LRP8: variants seen among roughly 807,000 people sequenced by gnomAD.
LRP8 encodes the protein low-density lipoprotein receptor-related protein 8.
In LRP8, 46 loss-of-function variants were observed where a neutral mutation model predicts 111.6. That is an observed-to-expected ratio of 0.41 (90% CI 0.33 to 0.53). The LOEUF (loss-of-function observed/expected upper bound fraction) is 0.53, where lower values mean the gene tolerates loss of function less well. Among genes scored for constraint, LRP8 ranks in the 20% least tolerant of loss-of-function variants. The pLI, the probability that LRP8 is intolerant of heterozygous loss-of-function variation, is 0.20. For synonymous variants in LRP8, 464 were observed against 511.2 expected (o/e 0.91, Z 1.24); for missense variants, 959 against 1,297.4 (o/e 0.74, Z 4.01).
intron 2 of LRP8, among the ~76,000 whole-genome samples, chr1:53,311,683 T>C (rs1217549440): frequency 1.3e-5 from 2 of 151,544 alleles, no homozygotes; most frequent in Non-Finnish European, 2.9e-5. Context: ...TGTCTCCATC[T>C]CTCCCTACTG....
chr1:53,266,436 C>G lies in LRP8; in HGVS notation c.1427+37G>C. On this transcript the variant is annotated intron_variant, in intron 9 of 18. Coordinates refer to ENST00000306052, the MANE Select transcript of LRP8 (RefSeq NM_004631.5). The surrounding 1 kb of genome is among the most constrained non-coding windows in gnomAD (Gnocchi z 5.0). Reference sequence around the variant, plus strand: ...CACCTGTCACCACCCCTCACCCCCACTCTTCATGCCTTGCTGCAGAGGATA... The same window carrying G: ...CACCTGTCACCACCCCTCACCCCCAGTCTTCATGCCTTGCTGCAGAGGATA... The G allele has an allele frequency of 6.2e-7, 1 of 1,604,136 alleles. No homozygotes were observed. Among genetic ancestry groups the G allele is most frequent in the Non-Finnish European group, 8.5e-7 (1 of 1,172,370 alleles).
intron 2 of LRP8, among the ~76,000 whole-genome samples, chr1:53,308,933 A>T (rs961798158): frequency 6.6e-6 from 1 of 152,126 alleles, no homozygotes; most frequent in African/African-American, 2.4e-5. Flanking sequence ...GTGCCTCACC[A>T]TCTCTATCAG....
At chr1:53,253,156 A>C (rs1645952656) in intron 16 of LRP8, among the ~76,000 whole-genome samples, 1 of 152,178 alleles carries the variant, frequency 6.6e-6, no homozygotes, top group African/African-American at 2.4e-5. Flanking sequence ...AAAAGTTTAA[A>C]GTAGAAAAGA....
rs1349872559 is a variant in LRP8 at position 53,327,682 on chromosome 1, C to G, written c.124+107G>C. On this transcript the variant is annotated intron_variant, in intron 1 of 18. Coordinates refer to ENST00000306052, the MANE Select transcript of LRP8 (RefSeq NM_004631.5). The stretch of plus-strand genomic sequence containing the variant: ...CGCGTGGAGCCTGTCCGCCCGGGAG[C>G]CCCCGATAGCCCCGGGTTCTGGACC... The G allele has an allele frequency of 2.3e-6, 3 of 1,294,974 alleles. No homozygotes were observed. In the East Asian group the frequency reaches 1.0e-4, roughly 44 times the overall value. 80.2% of individuals were successfully genotyped at this position (1,294,974 alleles called of 1,614,324 possible). A position where few individuals can be genotyped will look rare whatever the true frequency, so the allele number is the denominator to read the frequency against.
At position 53,242,955 on chromosome 1, in the gene LRP8, G is replaced by A. The variant is rs1450011009; in HGVS notation, c.*4063C>T. The stretch of plus-strand genomic sequence containing the variant: ...TCTGCTAATTCTTGACTGTGCACAT[G>A]GTGCATAGCCTGAATGAACAGAGCT... On this transcript the variant is annotated 3_prime_UTR_variant, in exon 19 of 19. Transcript: ENST00000306052. 1 of 151,664 alleles carries A rather than the reference G, an allele frequency of 6.6e-6. No individual in the cohort carries two copies. The highest frequency in any genetic ancestry group is 2.4e-5 in the African/African-American group (1 of 41,278). The allele number at this position is 151,664 out of a possible 1,614,324, so 9.4% of individuals were successfully genotyped here.
rs1646453673 is a variant in LRP8, at chr1:53,264,120, G to A, written c.1655+49C>T. On this transcript the variant is annotated intron_variant, in intron 10 of 18. Coordinates refer to ENST00000306052, the MANE Select transcript of LRP8 (RefSeq NM_004631.5). ...ATAGCCCTTGTGACAGACACAAGAG[G>A]ACTGAGCACCTATGGTGGGAGAATG... 2.6e-6 allele frequency: 4 copies of A among 1,559,364 alleles called. No homozygotes were observed. In the South Asian group the frequency reaches 4.5e-5, roughly 18 times the overall value.
chr1:53,287,288 T>C (rs1374635887), intron 3 of LRP8, among the ~76,000 whole-genome samples: 1 of 152,224 alleles, frequency 6.6e-6, no homozygotes, highest in East Asian at 1.9e-4. Context: ...GCTCCCACTC[T>C]AGCCAACTTC....
At chr1:53,306,395 C>T (rs951224455) in intron 2 of LRP8, among the ~76,000 whole-genome samples, 1 of 152,198 alleles carries the variant, frequency 6.6e-6, no homozygotes, top group African/African-American at 2.4e-5. Context: ...TCCTTTTCTC[C>T]AGGCATGTGA....
chr1:53,266,346 A>T lies in LRP8; in HGVS notation c.1427+127T>A. ...AGTTCCATATCCACTGTGATCCTGC[A>T]TCTCTTCCCAAGTCCCAACTCTGTC... is the stretch of plus-strand genomic sequence containing the variant. On this transcript the variant is annotated intron_variant, in intron 9 of 18. Transcript: ENST00000306052. This position sits in a 1 kb window ranked among gnomAD's most constrained non-coding sequence, Gnocchi z 5.0. The T allele has an allele frequency of 1.1e-6, 1 of 937,204 alleles. No homozygotes were observed. Among genetic ancestry groups the T allele is most frequent in the Non-Finnish European group, 1.6e-6 (1 of 617,430 alleles). The allele number at this position is 937,204 out of a possible 1,614,324, so 58.1% of individuals were successfully genotyped here.
At chr1:53,258,283 C>G (rs1357959903) in intron 14 of LRP8, 36 bp downstream of exon 14, 1 of 1,601,052 alleles carries the variant, frequency 6.2e-7, no homozygotes. Flanking sequence ...GGGTCTGACA[C>G]TGCCAGGGGC....
At position 53,268,974 on chromosome 1, in the gene LRP8, T is replaced by C. The variant is rs984335583; in HGVS notation, c.1252+2054A>G. Among the ~76,000 whole-genome samples, 7 of 152,322 alleles carry C rather than the reference T, an allele frequency of 4.6e-5. No individual in the cohort carries two copies. The East Asian group carries it at 1.4e-3, about 29-fold the overall frequency. On this transcript the variant is annotated intron_variant, in intron 8 of 18. Transcript: ENST00000306052. ...CTGCCTTCTCCCTTGTCCTCTACAGTCTGTTCTCAATACTGCAGTCAGAAT... is the reference window on the plus strand; with the variant it reads ...CTGCCTTCTCCCTTGTCCTCTACAGCCTGTTCTCAATACTGCAGTCAGAAT...
rs566845144 is a variant in LRP8 at position 53,245,607 on chromosome 1, T to C, written c.*1411A>G. ...CCAAATTCCTGTGTGAACATAAATA[T>C]CCAATATAATATAATATTGCGTATG... is the stretch of plus-strand genomic sequence containing the variant. On this transcript the variant is annotated 3_prime_UTR_variant, in exon 19 of 19. Coordinates refer to ENST00000306052, the MANE Select transcript of LRP8 (RefSeq NM_004631.5). 1 of 152,494 alleles carries C rather than the reference T, an allele frequency of 6.6e-6. No homozygotes were observed. Among genetic ancestry groups the C allele is most frequent in the East Asian group, 1.9e-4 (1 of 5,194 alleles). 9.4% of individuals were successfully genotyped at this position (152,494 alleles called of 1,614,324 possible).
chr1:53,298,750 G>GC (rs1277660856), intron 2 of LRP8, among the ~76,000 whole-genome samples: 2 of 152,220 alleles, frequency 1.3e-5, no homozygotes, highest in Non-Finnish European at 2.9e-5. Context: ...CCCCAGCCAG[G>GC]CCCCCTGGGG....
At chr1:53,264,516 C>A in intron 9 of LRP8, 120 bp from the exon 10 acceptor site, 1 of 790,890 alleles carries the variant, frequency 1.3e-6, no homozygotes, top group Non-Finnish European at 2.1e-6. Context: ...TTTAGAGGAA[C>A]GTGGATAATT....
intron 2 of LRP8, among the ~76,000 whole-genome samples, chr1:53,301,987 T>C (rs1650996253): frequency 6.6e-6 from 1 of 151,998 alleles, no homozygotes; most frequent in Non-Finnish European, 1.5e-5. Flanking sequence ...CCCCAGTGCC[T>C]CAGCTGTAAA....
chr1:53,276,169 G>C (rs1326961491), intron 5 of LRP8, among the ~76,000 whole-genome samples: 2 of 152,084 alleles, frequency 1.3e-5, no homozygotes, highest in Non-Finnish European at 2.9e-5. Context: ...TGGGAGCCCA[G>C]AGACTCCTAA....
At chr1:53,296,625 G>A (rs1439274026) in intron 2 of LRP8, among the ~76,000 whole-genome samples, 1 of 152,222 alleles carries the variant, frequency 6.6e-6, no homozygotes, top group Admixed American at 6.5e-5. Context: ...TACTAACCTG[G>A]CAGGCAGATT....
intron 2 of LRP8, among the ~76,000 whole-genome samples, chr1:53,314,439 G>A (rs1653530638): frequency 6.6e-6 from 1 of 152,252 alleles, no homozygotes; most frequent in African/African-American, 2.4e-5. Context: ...CCACAAGTCA[G>A]CTGTCACAGG....
chr1:53,269,303 TTTTA>T (rs1415374806), intron 8 of LRP8, among the ~76,000 whole-genome samples: 16 of 151,804 alleles, frequency 1.1e-4, no homozygotes, highest in Admixed American at 1.1e-3. Flanking sequence ...CTCACTCCCT[TTTTA>T]TTTATTATTA....
Sources: allele counts gnomAD v4.1 joint callset (sites outside exome capture counted in the v4.1 genomes callset), GRCh38; gene constraint gnomAD v4.1.1; non-coding constraint Gnocchi (gnomAD v3.1); transcripts MANE v1.5; gene names NCBI Gene and HGNC (gene_info 2026-07-23, HGNC 2026-07-21).